Variants in CELSR2 observed in about 807,000 individuals in gnomAD.
CELSR2 encodes the protein EGF-like protein 2.
A neutral mutation model predicts 251.6 loss-of-function variants in CELSR2; 81 were observed. That is an observed-to-expected ratio of 0.32 (90% confidence interval 0.27 to 0.39). The LOEUF is 0.39. Among genes scored for constraint, CELSR2 ranks in the 10% least tolerant of loss-of-function variants. The pLI is 1.00. For synonymous variants in CELSR2, 1,721 were observed against 1,670.5 expected (o/e 1.03, Z -0.74); for missense variants, 3,365 against 3,947.7 (o/e 0.85, Z 3.96).
rs768518297 is a variant in CELSR2, at chr1:109,268,711, A to T, written c.6449A>T (p.Gln2150Leu). ...GAGGCCTACGCCAGTGCCCTGGCCC[A>T]GAACATGCGGCACACCTACCTAAGC... ...HYEAYASALA[Q>L]NMRHTYLSPF... The change falls in exon 18 of 34, where the codon CAG becomes CTG. Residue 2150 changes from glutamine to leucine, a missense_variant. This residue lies in a region of CELSR2 where 2,093 missense variants were observed against 2,382.8 expected (regional missense o/e 0.88). Transcript: ENST00000271332. 19 of 1,613,002 alleles carry T rather than the reference A, an allele frequency of 1.2e-5. No homozygotes were observed.
chr1:109,250,901 A>G lies in CELSR2; in HGVS notation c.822A>G (p.Thr274=), dbSNP rs775368515. 2.0e-5 allele frequency: 32 copies of G among 1,613,948 alleles called. No homozygotes were observed. The South Asian group carries it at 3.2e-4, about 16-fold the overall frequency. The part of the protein sequence containing the change: ...HGMPRRSALA[T]LTILVTDTND... ...TGCCCCGACGAAGTGCCCTGGCTAC[A>G]CTCACCATCTTGGTTACTGACACCA... The change falls in exon 1 of 34, where the codon ACA becomes ACG. Residue 274 remains threonine, a synonymous_variant. Coordinates refer to ENST00000271332, the MANE Select transcript of CELSR2 (RefSeq NM_001408.3). The surrounding 1 kb of genome is among the most constrained non-coding windows in gnomAD (Gnocchi z 4.4).
In CELSR2 at chr1:109,271,716, G is replaced by A. The variant is rs780166009; in HGVS notation, c.7920G>A (p.Leu2640=). ...CTGCTCTGACCACCAAGTCCACCCT[G>A]ACCTCGGTGAGGGAGCCAGGGGTCT... ...PDPALTTKST[L]TSSYNCPSPY... is the part of the protein sequence containing the mutation. Residue 2640 remains leucine, a synonymous_variant, in exon 28 of 34, where the codon CTG becomes CTA. Transcript: ENST00000271332. 1.2e-6 allele frequency: 2 copies of A among 1,613,762 alleles called. No individual in the cohort carries two copies. Among genetic ancestry groups the A allele is most frequent in the South Asian group, 2.2e-5 (2 of 91,074 alleles).
At chr1:109,265,143 G>T (rs747786888) in intron 12 of CELSR2, 48 bp from the exon 13 acceptor site, 2 of 1,582,258 alleles carry the variant, frequency 1.3e-6, no homozygotes, top group South Asian at 2.3e-5. Context: ...CCTAGGTTAG[G>T]TGGGAGTGGC....
rs202113322 is a variant in CELSR2 at position 109,271,282 on chromosome 1, G to A, written c.7662G>A (p.Glu2554=). The part of the protein sequence containing the change: ...ASCAAQRQGF[E]KKGPVSGLQP... ...GTGCTGCCCAGCGGCAGGGCTTTGA[G>A]AAGAAAGGTCCTGTGTGAGTATAGG... The change falls in exon 26 of 34, where the codon GAG becomes GAA. Residue 2554 remains glutamate (E), a synonymous_variant. Transcript: ENST00000271332. 1 of 1,614,002 alleles carries A rather than the reference G, an allele frequency of 6.2e-7. No homozygotes were observed. The highest frequency in any genetic ancestry group is 2.2e-5 in the East Asian group (1 of 44,866).
At position 109,273,247 on chromosome 1, in the gene CELSR2, C is replaced by T. The variant is rs1302409623; in HGVS notation, c.8420C>T (p.Pro2807Leu). Residue 2807 changes from proline to leucine, a missense_variant, in exon 32 of 34, where the codon CCT becomes CTT. By Grantham distance (98) the Pro-to-Leu change is moderately conservative. Coordinates refer to ENST00000271332, the MANE Select transcript of CELSR2 (RefSeq NM_001408.3). ...TAKESSGNGAPEERLRENGDA... is the reference protein window; with the variant it reads ...TAKESSGNGALEERLRENGDA... ...AAAGAGAGTAGTGGCAACGGGGCCC[C>T]TGAGGAGCGGCTGCGGGAGAATGGA... The T allele has an allele frequency of 6.2e-7, 1 of 1,612,814 alleles. No individual in the cohort carries two copies. Among genetic ancestry groups the T allele is most frequent in the Non-Finnish European group, 8.5e-7 (1 of 1,179,466 alleles).
At position 109,272,893 on chromosome 1, in the gene CELSR2, C is replaced by T. The variant is rs1040632356; in HGVS notation, c.8204C>T (p.Ala2735Val). The T allele has an allele frequency of 1.2e-6, 2 of 1,613,908 alleles. No homozygotes were observed. The highest frequency in any genetic ancestry group is 2.7e-5 in the African/African-American group (2 of 74,968). Reference sequence around the variant, plus strand: ...GAAGACGACCAGAGTGGCTCCTATGCCTCTACCCACTCATCAGACAGTGAG... The same window carrying T: ...GAAGACGACCAGAGTGGCTCCTATGTCTCTACCCACTCATCAGACAGTGAG... ...SLEDDQSGSY[A>V]STHSSDSEEE... Residue 2735 changes from alanine to valine, a missense_variant, in exon 31 of 34, where the codon GCC becomes GTC. This residue lies in a region of CELSR2 where 2,093 missense variants were observed against 2,382.8 expected (regional missense o/e 0.88). Coordinates refer to ENST00000271332, the MANE Select transcript of CELSR2 (RefSeq NM_001408.3).
intron 1 of CELSR2, 60 bp from the exon 2 acceptor site, chr1:109,258,372 A>T: frequency 8.1e-7 from 1 of 1,235,082 alleles, no homozygotes; most frequent in Non-Finnish European, 1.1e-6. Context: ...TGGGTGGTGC[A>T]GGAATATGCA....
chr1:109,259,619 A>C (rs1655964081), intron 2 of CELSR2, among the ~76,000 whole-genome samples: 1 of 152,064 alleles, frequency 6.6e-6, no homozygotes, highest in African/African-American at 2.4e-5. Context: ...TCCCCCACTG[A>C]GCGAGTTCCT....
intron 33 of CELSR2, 107 bp downstream of exon 33, chr1:109,273,777 G>A: frequency 9.6e-7 from 1 of 1,038,752 alleles, no homozygotes; most frequent in Admixed American, 2.8e-5. Flanking sequence ...GCATTTGGAG[G>A]ACAAATGGGC....
chr1:109,268,989 G>T lies in CELSR2; in HGVS notation c.6612G>T (p.Leu2204=), dbSNP rs368529772. The T allele has an allele frequency of 1.2e-6, 2 of 1,612,644 alleles. No individual in the cohort carries two copies. Among genetic ancestry groups the T allele is most frequent in the African/African-American group, 1.3e-5 (1 of 75,052 alleles). ...CGGACCTTGAGACAACAGTCATTCT[G>T]CCTGAGTCTGTCTTCAGAGGTCAGT... is the stretch of plus-strand genomic sequence containing the variant. ...QPPDLETTVI[L]PESVFRETPP... The change falls in exon 19 of 34, where the codon CTG becomes CTT. Residue 2204 remains leucine, a synonymous_variant. Coordinates refer to ENST00000271332, the MANE Select transcript of CELSR2 (RefSeq NM_001408.3).
intron 14 of CELSR2, 70 bp downstream of exon 14, chr1:109,265,988 G>A (rs930360599): frequency 1.9e-6 from 3 of 1,582,304 alleles, no homozygotes; most frequent in Non-Finnish European, 2.6e-6. Flanking sequence ...AGGAAAGCCA[G>A]GAAGGGGCTG....
chr1:109,268,256 T>G lies in CELSR2; in HGVS notation c.6318+196T>G, dbSNP rs78360457. The stretch of plus-strand genomic sequence containing the variant: ...AACCCTTCTCATAGTAACATATGTG[T>G]GTTGGGGCATGGTCTGACCCAGAGC... On this transcript the variant is annotated intron_variant, in intron 17 of 33. Transcript: ENST00000271332. Among the ~76,000 whole-genome samples the G allele has an allele frequency of 9.6e-3, 1,454 of 152,074 alleles. 35 individuals are homozygous for G. Among genetic ancestry groups the G allele is most frequent in the African/African-American group, 0.034 (1,392 of 41,498 alleles).
At chr1:109,272,043 G>A (rs1243869717) in intron 28 of CELSR2, among the ~76,000 whole-genome samples, 1 of 152,172 alleles carries the variant, frequency 6.6e-6, no homozygotes, top group Non-Finnish European at 1.5e-5. Flanking sequence ...CTTTTACAGA[G>A]CCATTATATA....
intron 2 of CELSR2, among the ~76,000 whole-genome samples, chr1:109,260,660 G>A (rs1424640799): frequency 6.6e-6 from 1 of 152,176 alleles, no homozygotes; most frequent in Admixed American, 6.5e-5. Context: ...TGGGGGCCAG[G>A]ACACCCCCAG....
rs1655628359 is a variant in CELSR2 at position 109,249,969 on chromosome 1, C to T, written c.-111C>T. 3 of 1,032,032 alleles carry T rather than the reference C, an allele frequency of 2.9e-6. No homozygotes were observed. The highest frequency in any genetic ancestry group is 1.7e-5 in the African/African-American group (1 of 59,234). 63.9% of individuals were successfully genotyped at this position (1,032,032 alleles called of 1,614,324 possible). On this transcript the variant is annotated 5_prime_UTR_variant, in exon 1 of 34. Coordinates refer to ENST00000271332, the MANE Select transcript of CELSR2 (RefSeq NM_001408.3). ...CAGGCCCCGCGGGGCGCACGGGAGG[C>T]CCCCGGGGACTGGCGCCCTGGCCCG...
chr1:109,259,047 G>C lies in CELSR2; in HGVS notation c.3926G>C (p.Gly1309Ala). 1.3e-6 allele frequency: 2 copies of C among 1,593,486 alleles called. No individual in the cohort carries two copies. The highest frequency in any genetic ancestry group is 2.2e-5 in the East Asian group (1 of 44,504). Reference protein sequence around the residue: ...PHGRCRSREGGYTCLCRDGYT... With the variant: ...PHGRCRSREGAYTCLCRDGYT... ...GGGCGCTGCCGCAGCCGCGAGGGCG[G>C]CTACACCTGCCTCTGTCGTGATGGC... The change falls in exon 2 of 34, where the codon GGC becomes GCC. Residue 1309 changes from glycine (G) to alanine (A), a missense_variant. By Grantham distance (60) the Gly-to-Ala change is moderately conservative. This residue lies in a region of CELSR2 where 2,093 missense variants were observed against 2,382.8 expected (regional missense o/e 0.88). Transcript: ENST00000271332.
chr1:109,252,597 A>G lies in CELSR2; in HGVS notation c.2518A>G (p.Thr840Ala), dbSNP rs1039838854. 6.8e-6 allele frequency: 11 copies of G among 1,613,802 alleles called. No individual in the cohort carries two copies. The African/African-American group carries it at 1.3e-4, about 20-fold the overall frequency. Residue 840 changes from threonine (T) to alanine (A), a missense_variant, in exon 1 of 34, where the codon ACT (threonine) becomes GCT (alanine). Physicochemically the swap from Thr to Ala is moderately conservative, Grantham distance 58 (BLOSUM62 0). Coordinates refer to ENST00000271332, the MANE Select transcript of CELSR2 (RefSeq NM_001408.3). The surrounding 1 kb of genome is among the most constrained non-coding windows in gnomAD (Gnocchi z 4.8). The part of the protein sequence containing the change: ...PFTSVLQISA[T>A]DRDSGLNGRV... ...CACTAGCGTCCTGCAGATCTCAGCCACTGATCGTGATTCTGGACTTAATGG... is the reference window on the plus strand; with the variant it reads ...CACTAGCGTCCTGCAGATCTCAGCCGCTGATCGTGATTCTGGACTTAATGG...
rs1414780784 is a variant in CELSR2 at position 109,251,976 on chromosome 1, T to C, written c.1897T>C (p.Ser633Pro). The C allele has an allele frequency of 6.2e-7, 1 of 1,613,940 alleles. No individual in the cohort carries two copies. The highest frequency in any genetic ancestry group is 8.5e-7 in the Non-Finnish European group (1 of 1,180,024). Residue 633 changes from serine (S) to proline (P), a missense_variant, in exon 1 of 34, where the codon TCA (serine) becomes CCA (proline). Around this residue, in one of 5 missense-constraint regions of CELSR2, gnomAD observed 60 missense variants for 104.8 expected, o/e 0.57. Coordinates refer to ENST00000271332, the MANE Select transcript of CELSR2 (RefSeq NM_001408.3). The surrounding 1 kb of genome is among the most constrained non-coding windows in gnomAD (Gnocchi z 4.9). ...TGTGGGCACCAGCGTGGTGACGGTG[T>C]CAGCTGTGGACCGTGATGCTCATAG... ...AAVGTSVVTV[S>P]AVDRDAHSVI...
intron 1 of CELSR2, among the ~76,000 whole-genome samples, chr1:109,256,806 C>T (rs1307663889): frequency 1.3e-5 from 2 of 152,128 alleles, no homozygotes; most frequent in South Asian, 2.1e-4. Flanking sequence ...ATTACAGGCA[C>T]CCACCACCAC....
Sources: allele counts gnomAD v4.1 joint callset (sites outside exome capture counted in the v4.1 genomes callset), GRCh38; gene constraint gnomAD v4.1.1; regional missense constraint gnomAD v4.1.1; non-coding constraint Gnocchi (gnomAD v3.1); transcripts MANE v1.5; gene names NCBI Gene and HGNC (gene_info 2026-07-23, HGNC 2026-07-21).